GABRB1: variants seen among roughly 807,000 people sequenced by gnomAD.
GABRB1 encodes the protein gamma-aminobutyric acid receptor subunit beta-1.
GABRB1 carries 17 observed loss-of-function variants against 51.6 expected under a neutral mutation model. That is an observed-to-expected ratio of 0.33 (90% CI 0.23 to 0.49). The LOEUF (loss-of-function observed/expected upper bound fraction) is 0.49. GABRB1 is among the 20% of genes least tolerant of loss of function. The probability of loss-of-function intolerance (pLI) is 0.99; values close to 1 mark genes in which losing one functional copy is unlikely to be tolerated. For synonymous variants in GABRB1, 247 were observed against 218.9 expected, an observed-to-expected ratio of 1.13 and a Z score of -1.14; for missense variants, 410 against 600.6, an observed-to-expected ratio of 0.68 and a Z score of 3.32.
rs533287045 is a variant in GABRB1 at position 47,093,604 on chromosome 4, T to A, written c.240+61120T>A. Among the ~76,000 whole-genome samples the A allele has an allele frequency of 2.0e-5, 3 of 152,350 alleles. No individual in the cohort carries two copies. In the South Asian group the frequency reaches 6.2e-4, roughly 32 times the overall value. On this transcript the variant is annotated intron_variant, in intron 3 of 8. Transcript: ENST00000295454. ...AACAAAAAAAATCTCATATTACTTA[T>A]CACAGTCTGCAGTTACTACTTAATC... is the stretch of plus-strand genomic sequence containing the variant.
At chr4:47,123,855 CAT>C (rs1209560894) in intron 3 of GABRB1, among the ~76,000 whole-genome samples, 1 of 62,882 alleles carries the variant, frequency 1.6e-5, no homozygotes, top group Non-Finnish European at 2.9e-5. Context: ...TATATTATAT[CAT>C]ATATATGATA....
chr4:47,228,826 C>T (rs1449647405), intron 4 of GABRB1, among the ~76,000 whole-genome samples: 1 of 152,002 alleles, frequency 6.6e-6, no homozygotes, highest in Non-Finnish European at 1.5e-5. Context: ...AAACCTTGGG[C>T]CTGGCTTCAC....
chr4:47,241,755 G>C (rs1721530369), intron 4 of GABRB1, among the ~76,000 whole-genome samples: 1 of 152,166 alleles, frequency 6.6e-6, no homozygotes, highest in Admixed American at 6.5e-5. Flanking sequence ...CAAAGGTCTT[G>C]TTTTCTTTGA....
intron 3 of GABRB1, among the ~76,000 whole-genome samples, chr4:47,047,086 C>A (rs1726127064): frequency 6.6e-6 from 1 of 151,862 alleles, no homozygotes; most frequent in Non-Finnish European, 1.5e-5. Context: ...TACAACAAAC[C>A]CCCTGGACAC....
chr4:47,262,397 A>C (rs1281412475), intron 4 of GABRB1, among the ~76,000 whole-genome samples: 2 of 152,202 alleles, frequency 1.3e-5, no homozygotes, highest in East Asian at 3.9e-4. Context: ...ATGAACAGAC[A>C]CTTCTCAAAA....
chr4:47,338,586 G>T (rs548503321), intron 5 of GABRB1, among the ~76,000 whole-genome samples: 2 of 152,132 alleles, frequency 1.3e-5, no homozygotes, highest in African/African-American at 4.8e-5. Flanking sequence ...CTGAAGACAC[G>T]TATTTCTCCC....
chr4:47,381,069 G>A (rs1176449790), intron 5 of GABRB1, among the ~76,000 whole-genome samples: 2 of 152,154 alleles, frequency 1.3e-5, no homozygotes, highest in African/African-American at 4.8e-5. Context: ...GCCACCAGGA[G>A]AGCAGGGAAA....
At chr4:47,331,017 A>G (rs1725461354) in intron 5 of GABRB1, among the ~76,000 whole-genome samples, 1 of 152,184 alleles carries the variant, frequency 6.6e-6, no homozygotes, top group South Asian at 2.1e-4. Flanking sequence ...ACCAAAAATA[A>G]CAGAAGTAAA....
At chr4:47,391,429 G>A (rs935363023) in intron 5 of GABRB1, among the ~76,000 whole-genome samples, 5 of 152,192 alleles carry the variant, frequency 3.3e-5, no homozygotes, top group Admixed American at 2.6e-4. Flanking sequence ...TCAGAAGCGG[G>A]AGATAATGTG....
At chr4:47,020,207 T>A (rs1427181111) in intron 1 of GABRB1, among the ~76,000 whole-genome samples, 1 of 152,126 alleles carries the variant, frequency 6.6e-6, no homozygotes, top group Non-Finnish European at 1.5e-5. Context: ...TATAAAGACA[T>A]CAATCATATT....
intron 3 of GABRB1, among the ~76,000 whole-genome samples, chr4:47,155,449 G>A (rs1301327912): frequency 1.3e-5 from 2 of 151,992 alleles, no homozygotes; most frequent in Non-Finnish European, 2.9e-5. Flanking sequence ...TACATGTAAT[G>A]CCTTTCTTGA....
At chr4:47,218,577 G>T (rs1476531080) in intron 4 of GABRB1, among the ~76,000 whole-genome samples, 2 of 151,750 alleles carry the variant, frequency 1.3e-5, no homozygotes, top group Admixed American at 6.6e-5. Flanking sequence ...ACATTTCTCT[G>T]ATGATTATTA....
rs754189722 is a variant in GABRB1 at position 47,032,024 on chromosome 4, T to A, written c.172+19T>A. The A allele has an allele frequency of 1.9e-6, 3 of 1,583,062 alleles. No homozygotes were observed. Among genetic ancestry groups the A allele is most frequent in the Non-Finnish European group, 2.6e-6 (3 of 1,157,352 alleles). On this transcript the variant is annotated intron_variant, in intron 2 of 8. Coordinates refer to ENST00000295454, the MANE Select transcript of GABRB1 (RefSeq NM_000812.4). ...TTCGGAGGTAACGCTTCATCTTTTT[T>A]CAACCTGTAACCCATCCTTAGTTCT...
At chr4:47,174,426 G>T (rs540274744) in intron 4 of GABRB1, among the ~76,000 whole-genome samples, 47 of 152,134 alleles carry the variant, frequency 3.1e-4, no homozygotes, top group African/African-American at 1.1e-3. Context: ...ACTGTACACT[G>T]CTCATCTTCC....
rs1233911395 is a variant in GABRB1, at chr4:47,403,472, C to A, written c.682+17C>A. ...TCACAACAGGTGAGGTTGTTTCCCC[C>A]AAAATGTACTAGGGGTGCTGTGAAA... On this transcript the variant is annotated intron_variant, in intron 6 of 8. Coordinates refer to ENST00000295454, the MANE Select transcript of GABRB1 (RefSeq NM_000812.4). The A allele has an allele frequency of 2.5e-6, 4 of 1,613,664 alleles. No individual in the cohort carries two copies. Among genetic ancestry groups the A allele is most frequent in the South Asian group, 2.2e-5 (2 of 90,970 alleles).
At chr4:47,149,425 G>T (rs1221579700) in intron 3 of GABRB1, among the ~76,000 whole-genome samples, 1 of 151,954 alleles carries the variant, frequency 6.6e-6, no homozygotes, top group Admixed American at 6.6e-5. Flanking sequence ...TGTTCCTGCT[G>T]ATCACACAAA....
chr4:47,355,796 G>A (rs891767312), intron 5 of GABRB1, among the ~76,000 whole-genome samples: 3 of 152,118 alleles, frequency 2.0e-5, no homozygotes, highest in African/African-American at 7.2e-5. Flanking sequence ...TAGTCATTTG[G>A]TTCATCAACT....
chr4:47,260,754 A>G (rs1306179619), intron 4 of GABRB1, among the ~76,000 whole-genome samples: 1 of 152,144 alleles, frequency 6.6e-6, no homozygotes, highest in Non-Finnish European at 1.5e-5. Flanking sequence ...CAAAAAAGAG[A>G]ATTTTAGACC....
intron 4 of GABRB1, among the ~76,000 whole-genome samples, chr4:47,257,317 C>T (rs973154803): frequency 5.9e-5 from 9 of 152,144 alleles, no homozygotes; most frequent in Admixed American, 2.0e-4. Flanking sequence ...TGGAGTGCTG[C>T]ACTCTCCCTC....
Sources: allele counts gnomAD v4.1 joint callset (sites outside exome capture counted in the v4.1 genomes callset), GRCh38; gene constraint gnomAD v4.1.1; transcripts MANE v1.5; gene names NCBI Gene and HGNC (gene_info 2026-07-23, HGNC 2026-07-21).